The following FMN1 variants were observed in gnomAD, a reference collection of about 807,000 sequenced individuals.
The protein encoded by FMN1 is formin-1.
FMN1 carries 110 observed loss-of-function variants against 132.4 expected under a neutral mutation model. The observed-to-expected ratio is 0.83, with a 90% confidence interval of 0.71 to 0.97. The LOEUF (loss-of-function observed/expected upper bound fraction) is 0.97. FMN1 is among the 50% of genes least tolerant of loss of function. The probability of loss-of-function intolerance (pLI) is 0.00; values close to 1 mark genes in which losing one functional copy is unlikely to be tolerated. For synonymous variants in FMN1, 722 were observed against 651.7 expected, an observed-to-expected ratio of 1.11 and a Z score of -1.64; for missense variants, 1,792 against 1,705.3, an observed-to-expected ratio of 1.05 and a Z score of -0.90.
At chr15:33,063,685 G>C (rs778791270) in intron 6 of FMN1, 1 of 152,162 alleles carries the variant, frequency 6.6e-6, no homozygotes, top group Non-Finnish European at 1.5e-5. Context: ...GGAAAAAAGT[G>C]ATCTAATGTG....
At chr15:33,058,026 A>G (rs926383555) in intron 6 of FMN1, among the ~76,000 whole-genome samples, 1 of 149,692 alleles carries the variant, frequency 6.7e-6, no homozygotes, top group African/African-American at 2.5e-5. Flanking sequence ...CTGGTAGTGG[A>G]AAGGCGTGGC....
chr15:33,062,378 T>G (rs1207489808), intron 6 of FMN1, among the ~76,000 whole-genome samples: 2 of 152,016 alleles, frequency 1.3e-5, no homozygotes, highest in African/African-American at 4.8e-5. Context: ...TCCCAGCACT[T>G]TGGGAGGTCG....
At chr15:32,873,674 G>T (rs2059569602) in intron 16 of FMN1, among the ~76,000 whole-genome samples, 1 of 152,198 alleles carries the variant, frequency 6.6e-6, no homozygotes, top group Non-Finnish European at 1.5e-5. Flanking sequence ...GGCTGATGTT[G>T]AGAAGAACAA....
intron 4 of FMN1, among the ~76,000 whole-genome samples, chr15:33,119,507 C>T (rs1036913903): frequency 6.6e-6 from 1 of 152,168 alleles, no homozygotes; most frequent in Admixed American, 6.5e-5. Context: ...ATGAGTCCAC[C>T]GTCCGTACGC....
In FMN1 at chr15:32,964,208, G is replaced by A. The variant is rs757229101; in HGVS notation, c.3037C>T (p.Arg1013Trp). 29 of 1,611,978 alleles carry A rather than the reference G, an allele frequency of 1.8e-5. No individual in the cohort carries two copies. Among genetic ancestry groups the A allele is most frequent in the Admixed American group, 3.3e-5 (2 of 59,982 alleles). ...AAATACTCAAATTCACTGGGGTCCC[G>A]AATGTCAGGTTCTTCTAAGGAGTCC... ...LWDSLEEPDI[R>W]DPSEFEYLFS... Residue 1013 changes from arginine (R) to tryptophan (W), a missense_variant, in exon 9 of 21, where the codon CGG becomes TGG. Transcript: ENST00000616417.
At chr15:32,913,223 G>A (rs10519765) in intron 10 of FMN1, among the ~76,000 whole-genome samples, 48,407 of 151,956 alleles carry the variant, frequency 0.32, 8,015 homozygotes, top group Non-Finnish European at 0.35. Flanking sequence ...AATGGATCAA[G>A]TGTCTTAAGG....
intron 17 of FMN1, among the ~76,000 whole-genome samples, chr15:32,834,220 TAATATC>T (rs918298549): frequency 5.3e-5 from 8 of 152,222 alleles, no homozygotes; most frequent in Non-Finnish European, 1.2e-4. Context: ...ATATTTCTGT[TAATATC>T]AACCAAAATA....
chr15:32,772,514 T>C lies in FMN1; in HGVS notation c.*1796A>G, dbSNP rs751676592. 6.6e-6 allele frequency: 1 copy of C among 152,258 alleles called. No homozygotes were observed. Among genetic ancestry groups the C allele is most frequent in the Admixed American group, 6.5e-5 (1 of 15,288 alleles). 9.4% of individuals were successfully genotyped at this position (152,258 alleles called of 1,614,324 possible). Reference sequence around the variant, plus strand: ...GAGTTAAGTGAAAATGAAGAGAAACTATGTAAGAAAGCAGCATAAAAAGCT... The same window carrying C: ...GAGTTAAGTGAAAATGAAGAGAAACCATGTAAGAAAGCAGCATAAAAAGCT... On this transcript the variant is annotated 3_prime_UTR_variant, in exon 21 of 21. Transcript: ENST00000616417.
At chr15:32,997,333 T>C (rs1039907819) in intron 7 of FMN1, among the ~76,000 whole-genome samples, 1 of 152,082 alleles carries the variant, frequency 6.6e-6, no homozygotes, top group Admixed American at 6.5e-5. Context: ...TTTTTTTTTT[T>C]TTTAATCACA....
At chr15:33,069,078 A>G (rs1336967538) in intron 5 of FMN1, among the ~76,000 whole-genome samples, 3 of 152,182 alleles carry the variant, frequency 2.0e-5, no homozygotes, top group Admixed American at 6.5e-5. Flanking sequence ...ACGTTCTCCT[A>G]AAGGGCAAAA....
At chr15:32,965,343 T>A (rs1042015605) in intron 8 of FMN1, among the ~76,000 whole-genome samples, 3 of 152,092 alleles carry the variant, frequency 2.0e-5, no homozygotes, top group African/African-American at 7.2e-5. Flanking sequence ...GAGGTTGCGA[T>A]GAACTGAGAT....
intron 8 of FMN1, among the ~76,000 whole-genome samples, chr15:32,965,023 T>G (rs778388592): frequency 4.6e-5 from 7 of 152,212 alleles, no homozygotes; most frequent in Non-Finnish European, 1.0e-4. Flanking sequence ...GTGAGCTGAC[T>G]CCAGTGGTCA....
At chr15:33,113,546 T>TCC (rs1240066092) in intron 4 of FMN1, among the ~76,000 whole-genome samples, 1 of 151,990 alleles carries the variant, frequency 6.6e-6, no homozygotes, top group African/African-American at 2.4e-5. Context: ...ACGACCCTGC[T>TCC]CCCCCATCTT....
rs963451759 is a variant in FMN1, at chr15:32,969,056, G to A, written c.2645C>T (p.Pro882Leu). 2.6e-6 allele frequency: 4 copies of A among 1,542,706 alleles called. No homozygotes were observed. The African/African-American group carries it at 4.1e-5, about 16-fold the overall frequency. ...PASIPPPPPL[P>L]SGLGSLSPAP... ...GGGAGACAAAGATCCAAGTCCTGAG[G>A]GGAGGGGCGGAGGGGGAGGGATGGA... is the stretch of plus-strand genomic sequence containing the variant. Residue 882 changes from proline (P) to leucine (L), a missense_variant, in exon 8 of 21, where the codon CCC (proline) becomes CTC (leucine). Transcript: ENST00000616417.
intron 9 of FMN1, among the ~76,000 whole-genome samples, chr15:32,940,656 G>GTTACA (rs764946238): frequency 3.3e-5 from 5 of 152,098 alleles, no homozygotes; most frequent in Non-Finnish European, 4.4e-5. Flanking sequence ...CCAAAAGAAT[G>GTTACA]TTACATCCAG....
At chr15:33,120,600 T>C (rs1257492874) in intron 4 of FMN1, among the ~76,000 whole-genome samples, 1 of 112,970 alleles carries the variant, frequency 8.9e-6, no homozygotes, top group Non-Finnish European at 1.8e-5. Context: ...CACGTAGTGA[T>C]ACCAAGATAC....
intron 5 of FMN1, among the ~76,000 whole-genome samples, chr15:33,075,921 T>C (rs925079444): frequency 1.1e-4 from 16 of 152,212 alleles, no homozygotes; most frequent in African/African-American, 3.6e-4. Context: ...AAATAAAAGA[T>C]TACAGACATG....
intron 3 of FMN1, among the ~76,000 whole-genome samples, chr15:33,169,740 CTT>C (rs57083437): frequency 6.3e-4 from 74 of 117,876 alleles, no homozygotes; most frequent in Middle Eastern, 4.5e-3. Flanking sequence ...TTTTCTTTTC[CTT>C]TTTTTTTTTT....
chr15:32,779,072 T>C (rs2056579687), intron 19 of FMN1, among the ~76,000 whole-genome samples: 1 of 152,136 alleles, frequency 6.6e-6, no homozygotes, highest in African/African-American at 2.4e-5. Flanking sequence ...CAAAAACACA[T>C]GACTCTATTT....
Sources: allele counts gnomAD v4.1 joint callset (sites outside exome capture counted in the v4.1 genomes callset), GRCh38; gene constraint gnomAD v4.1.1; transcripts MANE v1.5; gene names NCBI Gene and HGNC (gene_info 2026-07-23, HGNC 2026-07-21).